The following ACO2 variants were observed in gnomAD, a reference collection of about 807,000 sequenced individuals.
The protein encoded by ACO2 is aconitase 2, also known as aconitate hydratase, mitochondrial.
In ACO2, 31 loss-of-function variants were observed where a neutral mutation model predicts 84.5. The ratio of observed to expected loss-of-function variants is 0.37; its 90% CI spans 0.28 to 0.50. ACO2 has a LOEUF of 0.50. ACO2 is among the 20% of genes least tolerant of loss of function. ACO2 has a pLI of 0.97. For synonymous variants in ACO2, 414 were observed against 412.7 expected, an observed-to-expected ratio of 1.00 and a Z score of -0.04; for missense variants, 685 against 1,029.3, an observed-to-expected ratio of 0.67 and a Z score of 4.58.
chr22:41,498,480 G>A (rs2066331033), intron 1 of ACO2, among the ~76,000 whole-genome samples: 1 of 152,184 alleles, frequency 6.6e-6, no homozygotes, highest in African/African-American at 2.4e-5. Context: ...TTCTGGCTTG[G>A]GGCCTCTCCA....
intron 1 of ACO2, among the ~76,000 whole-genome samples, chr22:41,470,576 T>C (rs1202086118): frequency 7.4e-6 from 1 of 135,514 alleles, no homozygotes; most frequent in Admixed American, 8.2e-5. Flanking sequence ...ACAGTCTTGC[T>C]CTGTCACCCA....
chr22:41,486,110 G>A (rs1428433358), intron 1 of ACO2, among the ~76,000 whole-genome samples: 1 of 152,148 alleles, frequency 6.6e-6, no homozygotes, highest in Admixed American at 6.5e-5. Context: ...CCCCTTGTGT[G>A]TGTGTGTGTC....
rs1346659594 is a variant in ACO2 at position 41,515,785 on chromosome 22, A to G, written c.703A>G (p.Thr235Ala). The change falls in exon 6 of 18, where the codon ACG (threonine) becomes GCG (alanine). Residue 235 changes from threonine to alanine, a missense_variant. Thr to Ala is a moderately conservative substitution (Grantham distance 58). Coordinates refer to ENST00000216254, the MANE Select transcript of ACO2 (RefSeq NM_001098.3). This position sits in a 1 kb window ranked among gnomAD's most constrained non-coding sequence, Gnocchi z 5.8. ...TGTCCAGGTGATTGGCGTGAAGCTG[A>G]CGGGCTCTCTCTCCGGTTGGTCCTC... ...KCPKVIGVKL[T>A]GSLSGWSSPK... The G allele has an allele frequency of 2.5e-6, 4 of 1,613,622 alleles. No individual in the cohort carries two copies. In the African/African-American group the frequency reaches 4.0e-5, roughly 16 times the overall value.
chr22:41,526,889 C>G (rs751283322), intron 15 of ACO2: 6 of 326,270 alleles, frequency 1.8e-5, no homozygotes, highest in Non-Finnish European at 3.4e-5. Flanking sequence ...TGAAAGGACT[C>G]TGGCACCCCC....
intron 2 of ACO2, among the ~76,000 whole-genome samples, chr22:41,501,902 A>G (rs1313790233): frequency 6.6e-6 from 1 of 152,156 alleles, no homozygotes; most frequent in East Asian, 1.9e-4. Context: ...TTGTTTGTCA[A>G]GGACGGCTGT....
chr22:41,528,233 C>A, intron 17 of ACO2: 1 of 836,978 alleles, frequency 1.2e-6, no homozygotes. Context: ...CCCCAACCTC[C>A]CTTTACTCAC....
chr22:41,498,640 C>T (rs2066332384), intron 1 of ACO2, among the ~76,000 whole-genome samples: 1 of 152,172 alleles, frequency 6.6e-6, no homozygotes. Context: ...GTGGGCCTCT[C>T]CCAGGATTGC....
Position 41,522,815 on chromosome 22 carries a change from C to T in ACO2, c.1139-15C>T. 6.2e-7 allele frequency: 1 copy of T among 1,613,792 alleles called. No homozygotes were observed. The highest frequency in any genetic ancestry group is 8.5e-7 in the Non-Finnish European group (1 of 1,179,818). ...CTCCTCCTGACCCTTAACCCCACCA[C>T]CCACAATGCACCAGGTCTAATTGGT... On this transcript the variant is annotated splice_polypyrimidine_tract_variant and intron_variant, in intron 9 of 17. Transcript: ENST00000216254.
At chr22:41,493,035 A>G (rs148341302) in intron 1 of ACO2, among the ~76,000 whole-genome samples, 1,662 of 152,340 alleles carry the variant, frequency 0.011, 14 homozygotes, top group Middle Eastern at 0.024. Context: ...GGTGAGGGCC[A>G]TCATGCTGTG....
At chr22:41,487,256 C>T (rs1053070030) in intron 1 of ACO2, among the ~76,000 whole-genome samples, 9 of 152,184 alleles carry the variant, frequency 5.9e-5, no homozygotes, top group Admixed American at 2.0e-4. Context: ...CCCTGGACTC[C>T]TTCCCCTAAA....
chr22:41,481,312 A>G (rs1353175501), intron 1 of ACO2, among the ~76,000 whole-genome samples: 1 of 152,126 alleles, frequency 6.6e-6, no homozygotes, highest in African/African-American at 2.4e-5. Flanking sequence ...GTGCTTGGTG[A>G]CTTCTCTGTC....
rs78241684 is a variant in ACO2 at position 41,527,256 on chromosome 22, G to A, written c.1954-32G>A. 8 of 1,613,900 alleles carry A rather than the reference G, an allele frequency of 5.0e-6. No individual in the cohort carries two copies. The Admixed American group carries it at 5.0e-5, about 10-fold the overall frequency. On this transcript the variant is annotated intron_variant, in intron 15 of 17. Coordinates refer to ENST00000216254, the MANE Select transcript of ACO2 (RefSeq NM_001098.3). ...ACAGGTGAGGACGGTGCCCTCCTCT[G>A]CCTTATAACCTTACCCCCGCTTGCC... is the stretch of plus-strand genomic sequence containing the variant.
intron 2 of ACO2, among the ~76,000 whole-genome samples, chr22:41,506,372 C>T (rs2066393299): frequency 6.6e-6 from 1 of 152,134 alleles, no homozygotes; most frequent in Non-Finnish European, 1.5e-5. Flanking sequence ...CCTGCCTCAG[C>T]CTCCCGAGTA....
rs2066275106 is a variant in ACO2 at position 41,492,047 on chromosome 22, GCTATCGAATT to G, written c.37-7676_37-7667del. Among the ~76,000 whole-genome samples the G allele has an allele frequency of 3.3e-5, 5 of 152,296 alleles. No homozygotes were observed. The South Asian group carries it at 1.0e-3, about 32-fold the overall frequency. On this transcript the variant is annotated intron_variant, in intron 1 of 17. Coordinates refer to ENST00000216254, the MANE Select transcript of ACO2 (RefSeq NM_001098.3). Reference sequence around the variant, plus strand: ...GCATCCTGGAGTCAACTGCATACCAGCTATCGAATTCTGACTTACCTCCCTGATCTCCAGT... The same window carrying G: ...GCATCCTGGAGTCAACTGCATACCAGCTGACTTACCTCCCTGATCTCCAGT...
At chr22:41,489,244 G>A (rs2066255269) in intron 1 of ACO2, among the ~76,000 whole-genome samples, 1 of 152,132 alleles carries the variant, frequency 6.6e-6, no homozygotes. Context: ...GGGTCTCACT[G>A]TGTTGTCCAG....
intron 6 of ACO2, chr22:41,516,139 T>C (rs1051549990): frequency 7.5e-6 from 5 of 662,510 alleles, no homozygotes; most frequent in Non-Finnish European, 1.3e-5. Context: ...CTGTCGAGGC[T>C]GCCGGTGACT....
chr22:41,499,444 A>T (rs1330167879), intron 1 of ACO2, among the ~76,000 whole-genome samples: 1 of 152,132 alleles, frequency 6.6e-6, no homozygotes, highest in Non-Finnish European at 1.5e-5. Context: ...GGTTTTAGTC[A>T]ATGAGGGCTT....
intron 1 of ACO2, among the ~76,000 whole-genome samples, chr22:41,496,663 T>C (rs1284260580): frequency 6.6e-6 from 1 of 152,186 alleles, no homozygotes; most frequent in Non-Finnish European, 1.5e-5. Context: ...GCACACGCAC[T>C]GTGGAAGGTC....
chr22:41,507,378 C>T (rs1182750367), intron 2 of ACO2, among the ~76,000 whole-genome samples: 1 of 152,054 alleles, frequency 6.6e-6, no homozygotes, highest in African/African-American at 2.4e-5. Flanking sequence ...AACTTGGTCA[C>T]TCTCCTGAGC....
Sources: gnomAD v4.1 joint callset for allele counts (sites outside exome capture counted in the v4.1 genomes callset) on GRCh38, gnomAD v4.1.1 for gene constraint, Gnocchi (gnomAD v3.1) non-coding constraint, MANE v1.5 for transcripts, NCBI Gene and HGNC (gene_info 2026-07-23, HGNC 2026-07-21) for gene names.